Variants in FBLN1 observed in about 807,000 individuals in gnomAD.
FBLN1 encodes the protein fibulin-1.
FBLN1 carries 34 observed loss-of-function variants against 89.7 expected under a neutral mutation model. The observed-to-expected ratio is 0.38, with a 90% CI of 0.29 to 0.50. FBLN1 has a LOEUF of 0.50. Among genes scored for constraint, FBLN1 ranks in the 20% least tolerant of loss-of-function variants. The pLI, the probability that FBLN1 is intolerant of heterozygous loss-of-function variation, is 0.92. For missense variants in FBLN1, 777 were observed against 988.1 expected (o/e 0.79, Z 2.86); for synonymous variants, 393 against 391.3 (o/e 1.00, Z -0.05).
chr22:45,577,563 C>T lies in FBLN1; in HGVS notation c.1972+455C>T, dbSNP rs1472869232. Among the ~76,000 whole-genome samples the T allele has an allele frequency of 2.6e-5, 4 of 152,226 alleles. No homozygotes were observed. The highest frequency in any genetic ancestry group is 4.4e-5 in the Non-Finnish European group (3 of 68,034). ...TCAGAGGGCCTGAGCTCTGGTCTCT[C>T]AGCCTTGGAACTAGCTGGATTCGCC... On this transcript the variant is annotated intron_variant, in intron 16 of 16. Coordinates refer to ENST00000327858, the MANE Select transcript of FBLN1 (RefSeq NM_006486.3). The surrounding 1 kb of genome is among the most constrained non-coding windows in gnomAD (Gnocchi z 6.6).
At chr22:45,553,199 G>A (rs1427224711) in intron 14 of FBLN1, among the ~76,000 whole-genome samples, 2 of 152,266 alleles carry the variant, frequency 1.3e-5, no homozygotes, top group African/African-American at 4.8e-5. Flanking sequence ...CCCAGGAGAA[G>A]GAGGGGGCCT....
In FBLN1 at chr22:45,542,288, G is replaced by T; in HGVS notation, c.1195+5G>T. ...GCATCAGCAGGATGTGTGTCGGTGC[G>T]TGGGGGGCCCCGCAGGCCTCGGGGG... On this transcript the variant is annotated splice_donor_5th_base_variant and intron_variant, in intron 10 of 16. Transcript: ENST00000327858. 1 of 1,613,686 alleles carries T rather than the reference G, an allele frequency of 6.2e-7. No individual in the cohort carries two copies. The highest frequency in any genetic ancestry group is 1.1e-5 in the South Asian group (1 of 91,084).
Position 45,579,518 on chromosome 22 carries a change from C to T in FBLN1, c.1972+2410C>T, listed in dbSNP as rs1046355665. ...TCTTTGGAATTCTGGGCTGGGGCTGCGTGGGGGAGGGCCCCAGCCTGGCCC... is the reference window on the plus strand; with the variant it reads ...TCTTTGGAATTCTGGGCTGGGGCTGTGTGGGGGAGGGCCCCAGCCTGGCCC... On this transcript the variant is annotated intron_variant, in intron 16 of 16. Coordinates refer to ENST00000327858, the MANE Select transcript of FBLN1 (RefSeq NM_006486.3). This position sits in a 1 kb window ranked among gnomAD's most constrained non-coding sequence, Gnocchi z 5.5. 6.6e-6 allele frequency among the ~76,000 whole-genome samples: 1 copy of T among 152,196 alleles called. No individual in the cohort carries two copies. Among genetic ancestry groups the T allele is most frequent in the Non-Finnish European group, 1.5e-5 (1 of 68,020 alleles).
rs55838411 is a variant in FBLN1 at position 45,587,333 on chromosome 22, C to G, written c.1972+10225C>G. ...TCCATCCCCGCTGCCCGGCCAGAGA[C>G]ACGTCCTCAGCCCAGAGCCCCACTT... On this transcript the variant is annotated intron_variant, in intron 16 of 16. Transcript: ENST00000327858. 6.0e-3 allele frequency among the ~76,000 whole-genome samples: 138 copies of G among 22,898 alleles called. 3 individuals carry two copies. Among genetic ancestry groups the G allele is most frequent in the Middle Eastern group, 0.017 (1 of 60 alleles). 15.0% of individuals were successfully genotyped at this position (22,898 alleles called of 152,430 possible). A position where few individuals can be genotyped will look rare whatever the true frequency, so the allele number is the denominator to read the frequency against.
intron 16 of FBLN1, among the ~76,000 whole-genome samples, chr22:45,592,673 C>T (rs1390684688): frequency 1.3e-5 from 2 of 152,320 alleles, no homozygotes; most frequent in East Asian, 3.9e-4. Flanking sequence ...CTGTGCTGCT[C>T]GTCCTCGCCT....
intron 11 of FBLN1, among the ~76,000 whole-genome samples, chr22:45,544,037 G>A (rs2088593485): frequency 6.6e-6 from 1 of 152,034 alleles, no homozygotes; most frequent in Non-Finnish European, 1.5e-5. Context: ...CGAGCTGTGA[G>A]AGGAAGTACT....
intron 14 of FBLN1, among the ~76,000 whole-genome samples, chr22:45,551,347 A>G (rs1273181021): frequency 6.6e-6 from 1 of 152,234 alleles, no homozygotes; most frequent in Non-Finnish European, 1.5e-5. Flanking sequence ...CTCTGAGTGC[A>G]CGATGCAGGC....
rs554351985 is a variant in FBLN1 at position 45,554,889 on chromosome 22, G to A, written c.1697+4274G>A. Among the ~76,000 whole-genome samples, 45 of 152,334 alleles carry A rather than the reference G, an allele frequency of 3.0e-4. No homozygotes were observed. The East Asian group carries it at 6.0e-3, about 20-fold the overall frequency. ...TTAGAACTTGTTACTATCCTGTAGC[G>A]GAAGATAATACCGATCTCCATCCTG... On this transcript the variant is annotated intron_variant, in intron 14 of 16. Transcript: ENST00000327858.
intron 8 of FBLN1, among the ~76,000 whole-genome samples, chr22:45,538,590 G>A (rs914513608): frequency 2.6e-5 from 4 of 152,244 alleles, no homozygotes; most frequent in African/African-American, 7.2e-5. Context: ...GCAGAAATAC[G>A]TCTTTCTAAG....
At chr22:45,523,181 C>T (rs2088274004) in intron 2 of FBLN1, 1 of 778,480 alleles carries the variant, frequency 1.3e-6, no homozygotes. Flanking sequence ...AGGGAACAGC[C>T]AGCGCAAGAG....
intron 2 of FBLN1, among the ~76,000 whole-genome samples, chr22:45,519,095 G>C (rs77542204): frequency 8.1e-4 from 110 of 134,994 alleles, no homozygotes; most frequent in African/African-American, 2.7e-3. Context: ...TTAAAAAAGG[G>C]GGGACAGTTG....
At chr22:45,524,834 C>G (rs766776781) in intron 2 of FBLN1, among the ~76,000 whole-genome samples, 2 of 152,132 alleles carry the variant, frequency 1.3e-5, no homozygotes, top group African/African-American at 4.8e-5. Context: ...CCTGTAATCC[C>G]AGCACTTCGG....
rs1179797979 is a variant in FBLN1 at position 45,557,843 on chromosome 22, T to C, written c.1697+7228T>C. Reference sequence around the variant, plus strand: ...CAGCCAAACCATTGGCCACAGCCCATGAATCAGTATGTAATCGCACATCTG... The same window carrying C: ...CAGCCAAACCATTGGCCACAGCCCACGAATCAGTATGTAATCGCACATCTG... On this transcript the variant is annotated intron_variant, in intron 14 of 16. Transcript: ENST00000327858. This position sits in a 1 kb window ranked among gnomAD's most constrained non-coding sequence, Gnocchi z 4.9. Among the ~76,000 whole-genome samples, 2 of 152,220 alleles carry C rather than the reference T, an allele frequency of 1.3e-5. No homozygotes were observed. The highest frequency in any genetic ancestry group is 3.8e-4 in the East Asian group (2 of 5,204).
rs774668317 is a variant in FBLN1, at chr22:45,523,170, G to A, written c.186-2373G>A. On this transcript the variant is annotated intron_variant, in intron 2 of 16. Coordinates refer to ENST00000327858, the MANE Select transcript of FBLN1 (RefSeq NM_006486.3). ...GAAAGTGGGAAGAGCATCCCAGGCC[G>A]AGGGAACAGCCAGCGCAAGAGCCCA... 7.7e-6 allele frequency: 6 copies of A among 778,800 alleles called. 1 individual carries two copies. Among genetic ancestry groups the A allele is most frequent in the South Asian group, 4.0e-5 (3 of 74,462 alleles). 48.2% of individuals were successfully genotyped at this position (778,800 alleles called of 1,614,324 possible). A position where few individuals can be genotyped will look rare whatever the true frequency, so the allele number is the denominator to read the frequency against.
intron 14 of FBLN1, among the ~76,000 whole-genome samples, chr22:45,569,475 C>G (rs1399614453): frequency 6.6e-6 from 1 of 152,094 alleles, no homozygotes; most frequent in African/African-American, 2.4e-5. Flanking sequence ...CACACCTCTA[C>G]TAAGAATACA....
chr22:45,585,294 C>G (rs1010281192), intron 16 of FBLN1, among the ~76,000 whole-genome samples: 6 of 152,190 alleles, frequency 3.9e-5, no homozygotes, highest in African/African-American at 1.4e-4. Context: ...CTGTACCTCT[C>G]CCCCTGGCCA....
rs1351835635 is a variant in FBLN1 at position 45,575,561 on chromosome 22, TC to T, written c.1840+910del. 6.6e-6 allele frequency among the ~76,000 whole-genome samples: 1 copy of T among 152,116 alleles called. No homozygotes were observed. The highest frequency in any genetic ancestry group is 1.5e-5 in the Non-Finnish European group (1 of 68,008). On this transcript the variant is annotated intron_variant, in intron 15 of 16. Coordinates refer to ENST00000327858, the MANE Select transcript of FBLN1 (RefSeq NM_006486.3). This position sits in a 1 kb window ranked among gnomAD's most constrained non-coding sequence, Gnocchi z 6.3. ...AGGAGGTTTGCATATAGAAACATCA[TC>T]CTGTTGATCCAGGGCCAGGTGAACT... is the stretch of plus-strand genomic sequence containing the variant.
intron 12 of FBLN1, 58 bp from the exon 13 acceptor site, chr22:45,548,555 C>A: frequency 6.2e-7 from 1 of 1,607,406 alleles, no homozygotes; most frequent in Non-Finnish European, 8.5e-7. Flanking sequence ...TGTAGCATGG[C>A]CAGCAGCCAT....
intron 1 of FBLN1, among the ~76,000 whole-genome samples, chr22:45,510,018 G>A (rs1369876107): frequency 6.6e-6 from 1 of 152,108 alleles, no homozygotes; most frequent in Non-Finnish European, 1.5e-5. Context: ...TTGAGCAGAG[G>A]AAATCAAGGA....
Sources: allele counts gnomAD v4.1 joint callset (sites outside exome capture counted in the v4.1 genomes callset), GRCh38; gene constraint gnomAD v4.1.1; non-coding constraint Gnocchi (gnomAD v3.1); transcripts MANE v1.5; gene names NCBI Gene and HGNC (gene_info 2026-07-23, HGNC 2026-07-21).